Variants in SGPP2 observed in about 807,000 individuals in gnomAD.
SGPP2 encodes the protein sphingosine 1-phosphate phosphohydrolase 2.
In SGPP2, 30 loss-of-function variants were observed where a neutral mutation model predicts 33.9. The ratio of observed to expected loss-of-function variants is 0.89; its 90% CI spans 0.66 to 1.20. The LOEUF (loss-of-function observed/expected upper bound fraction) is 1.20, where lower values mean the gene tolerates loss of function less well. SGPP2 is among the 50% of genes most tolerant of loss of function. The pLI is 0.00. For missense variants in SGPP2, 458 were observed against 532.1 expected, an observed-to-expected ratio of 0.86 and a Z score of 1.37; for synonymous variants, 233 against 225.0, an observed-to-expected ratio of 1.04 and a Z score of -0.32.
At chr2:222,441,847 G>A (rs1250779911) in intron 1 of SGPP2, among the ~76,000 whole-genome samples, 2 of 152,096 alleles carry the variant, frequency 1.3e-5, no homozygotes, top group Admixed American at 1.3e-4. Flanking sequence ...TTAATAAAGT[G>A]CCAAATATCA....
chr2:222,525,094 AATATGTTTCTC>A (rs752630880), intron 4 of SGPP2, 61 bp downstream of exon 4: 2 of 1,224,348 alleles, frequency 1.6e-6, no homozygotes, highest in Non-Finnish European at 2.3e-6. Context: ...TCAGTGTGTC[AATATGTTTCTC>A]ATACTACTTA....
At chr2:222,541,270 C>T (rs191916749) in intron 4 of SGPP2, among the ~76,000 whole-genome samples, 2 of 152,152 alleles carry the variant, frequency 1.3e-5, no homozygotes, top group East Asian at 3.9e-4. Context: ...AGCAGTGTGT[C>T]AGCAGCATGA....
intron 2 of SGPP2, chr2:222,498,421 A>G (rs991704939): frequency 6.6e-6 from 1 of 152,150 alleles, no homozygotes; most frequent in Non-Finnish European, 1.5e-5. Context: ...TATATCTGGG[A>G]CATTTGAAGA....
rs184034884 is a variant in SGPP2, at chr2:222,520,833, C to T, written c.379-934C>T. ...CAGTGGCTCCAATCTGGACTTTGCTCACTGCAGCCTTGACTTCCTGGGCTC... is the reference window on the plus strand; with the variant it reads ...CAGTGGCTCCAATCTGGACTTTGCTTACTGCAGCCTTGACTTCCTGGGCTC... On this transcript the variant is annotated intron_variant, in intron 2 of 4. Coordinates refer to ENST00000321276, the MANE Select transcript of SGPP2 (RefSeq NM_152386.4). 7.5e-3 allele frequency among the ~76,000 whole-genome samples: 1,136 copies of T among 151,908 alleles called. 10 individuals carry two copies. The highest frequency in any genetic ancestry group is 0.025 in the African/African-American group (1,053 of 41,426).
Position 222,453,904 on chromosome 2 carries a change from G to A in SGPP2, c.220-20664G>A, listed in dbSNP as rs143039373. Among the ~76,000 whole-genome samples, 695 of 152,256 alleles carry A rather than the reference G, an allele frequency of 4.6e-3. 6 individuals are homozygous for A. Among genetic ancestry groups the A allele is most frequent in the African/African-American group, 0.016 (674 of 41,540 alleles). On this transcript the variant is annotated intron_variant, in intron 1 of 4. Transcript: ENST00000321276. ...ATGTTATATAGTTGAGGAAACGGAG[G>A]CACAGTGAGATTAACTCACTTGTCC...
intron 2 of SGPP2, among the ~76,000 whole-genome samples, chr2:222,488,431 G>A (rs1698145276): frequency 6.6e-6 from 1 of 152,226 alleles, no homozygotes. Context: ...TCGAGGTTGT[G>A]CACTCCTTAT....
chr2:222,528,065 C>G (rs1436219662), intron 4 of SGPP2, among the ~76,000 whole-genome samples: 1 of 152,230 alleles, frequency 6.6e-6, no homozygotes, highest in South Asian at 2.1e-4. Flanking sequence ...GATAGCGTGC[C>G]CCTTCCCTGG....
chr2:222,506,619 A>G (rs759199269), intron 2 of SGPP2, among the ~76,000 whole-genome samples: 3 of 152,148 alleles, frequency 2.0e-5, no homozygotes, highest in Non-Finnish European at 4.4e-5. Context: ...TCAGTCGTTT[A>G]TGTTGTTGGT....
At chr2:222,478,935 G>C (rs1008311902) in intron 2 of SGPP2, among the ~76,000 whole-genome samples, 1 of 152,058 alleles carries the variant, frequency 6.6e-6, no homozygotes, top group African/African-American at 2.4e-5. Flanking sequence ...TTTTAGATTG[G>C]AATAGTAATA....
chr2:222,526,572 C>T (rs1698761785), intron 4 of SGPP2, among the ~76,000 whole-genome samples: 1 of 152,188 alleles, frequency 6.6e-6, no homozygotes. Context: ...TCTGGCATCT[C>T]TTTTTATCTG....
chr2:222,526,435 T>A (rs1698760303), intron 4 of SGPP2, among the ~76,000 whole-genome samples: 1 of 152,194 alleles, frequency 6.6e-6, no homozygotes, highest in Admixed American at 6.5e-5. Context: ...CACTGGTGGC[T>A]CCTGAGATGG....
Position 222,453,052 on chromosome 2 carries a change from G to T in SGPP2, c.220-21516G>T, listed in dbSNP as rs1427418017. The T allele has an allele frequency of 2.8e-6, 4 of 1,448,014 alleles. No homozygotes were observed. The East Asian group carries it at 9.1e-5, about 33-fold the overall frequency. The allele number at this position is 1,448,014 out of a possible 1,614,324, so 89.7% of individuals were successfully genotyped here. On this transcript the variant is annotated intron_variant, in intron 1 of 4. Coordinates refer to ENST00000321276, the MANE Select transcript of SGPP2 (RefSeq NM_152386.4). ...ACTGGGACCTTGTCTTCCTTCTTTT[G>T]TGGCGCTATTCTCTGCAGCAGTGGG...
chr2:222,524,877 C>T, intron 3 of SGPP2, 67 bp from the exon 4 acceptor site: 1 of 1,246,008 alleles, frequency 8.0e-7, no homozygotes, highest in Non-Finnish European at 1.2e-6. Context: ...CTATTCCCAC[C>T]TATGACATCA....
In SGPP2 at chr2:222,558,835, A is replaced by T. The variant is rs1243317698; in HGVS notation, c.1137A>T (p.Thr379=). Residue 379 remains threonine (T), a synonymous_variant, in exon 5 of 5, where the codon ACA becomes ACT. Coordinates refer to ENST00000321276, the MANE Select transcript of SGPP2 (RefSeq NM_152386.4). The part of the protein sequence containing the change: ...IEVPYKFVTY[T]SVGICATTFV... Reference sequence around the variant, plus strand: ...TGCCTTACAAGTTTGTTACCTACACATCTGTTGGCATCTGCGCTACAACCT... The same window carrying T: ...TGCCTTACAAGTTTGTTACCTACACTTCTGTTGGCATCTGCGCTACAACCT... 5.0e-6 allele frequency: 8 copies of T among 1,614,100 alleles called. No homozygotes were observed. Among genetic ancestry groups the T allele is most frequent in the Non-Finnish European group, 6.8e-6 (8 of 1,179,962 alleles).
intron 1 of SGPP2, among the ~76,000 whole-genome samples, chr2:222,464,144 A>G (rs1331904039): frequency 2.0e-5 from 3 of 152,244 alleles, no homozygotes; most frequent in African/African-American, 7.2e-5. Context: ...TAATAATTAA[A>G]TGGAAAAATG....
At chr2:222,513,314 A>T (rs912636496) in intron 2 of SGPP2, among the ~76,000 whole-genome samples, 5 of 152,236 alleles carry the variant, frequency 3.3e-5, no homozygotes, top group Admixed American at 3.3e-4. Context: ...TTCTTAAAGC[A>T]TGATGATTCC....
At chr2:222,532,199 G>A (rs1698848966) in intron 4 of SGPP2, among the ~76,000 whole-genome samples, 1 of 152,056 alleles carries the variant, frequency 6.6e-6, no homozygotes, top group South Asian at 2.1e-4. Context: ...ACTTGAACCT[G>A]GGAGGCGGAG....
intron 4 of SGPP2, among the ~76,000 whole-genome samples, chr2:222,530,329 C>G (rs1698820012): frequency 6.6e-6 from 1 of 152,238 alleles, no homozygotes; most frequent in Admixed American, 6.5e-5. Flanking sequence ...TTCTGTCTAG[C>G]TGTGAAAGTC....
chr2:222,444,822 G>GA (rs1275395241), intron 1 of SGPP2, among the ~76,000 whole-genome samples: 2 of 152,116 alleles, frequency 1.3e-5, no homozygotes, highest in African/African-American at 2.4e-5. Flanking sequence ...AGCTTTGGGG[G>GA]AAAAAATCTT....
Sources: gnomAD v4.1 joint callset for allele counts (sites outside exome capture counted in the v4.1 genomes callset) on GRCh38, gnomAD v4.1.1 for gene constraint, MANE v1.5 for transcripts, NCBI Gene and HGNC (gene_info 2026-07-23, HGNC 2026-07-21) for gene names.